NCKAP5: variants seen among roughly 807,000 people sequenced by gnomAD.
NCKAP5 encodes nck-associated protein 5.
NCKAP5 carries 92 observed loss-of-function variants against 167.0 expected under a neutral mutation model. The ratio of observed to expected loss-of-function variants is 0.55; its 90% CI spans 0.47 to 0.66. The LOEUF (loss-of-function observed/expected upper bound fraction) is 0.66, where lower values mean the gene tolerates loss of function less well. Among genes scored for constraint, NCKAP5 ranks in the 30% least tolerant of loss-of-function variants. The pLI is 0.00. For synonymous variants in NCKAP5, 891 were observed against 877.4 expected (o/e 1.02, Z -0.27); for missense variants, 2,378 against 2,315.0 (o/e 1.03, Z -0.56).
At position 132,725,610 on chromosome 2, in the gene NCKAP5, A is replaced by G; in HGVS notation, c.5713+17T>C. 2 of 1,601,800 alleles carry G rather than the reference A, an allele frequency of 1.2e-6. No individual in the cohort carries two copies. Among genetic ancestry groups the G allele is most frequent in the Non-Finnish European group, 1.7e-6 (2 of 1,175,324 alleles). ...GAGAGAGGAACCTGCAGGGCCAGCA[A>G]GTTCGCTGGTTGTTACCTGGGGCAG... is the stretch of plus-strand genomic sequence containing the variant. On this transcript the variant is annotated intron_variant, in intron 19 of 19. Coordinates refer to ENST00000409261, the MANE Select transcript of NCKAP5 (RefSeq NM_207363.3).
chr2:133,620,528 G>A, the NCKAP5 span, among the ~76,000 whole-genome samples: 5 of 152,064 alleles, frequency 3.3e-5, no homozygotes, highest in South Asian at 8.3e-4. Context: ...AGACAAACAA[G>A]GTCATTATAT....
At chr2:133,224,173 C>T (rs11889004) in intron 4 of NCKAP5, among the ~76,000 whole-genome samples, 1,827 of 152,244 alleles carry the variant, frequency 0.012, 44 homozygotes, top group African/African-American at 0.041. Flanking sequence ...TTCATTCATT[C>T]GTTCATTTAT....
At chr2:133,114,065 C>T (rs929364061) in intron 6 of NCKAP5, among the ~76,000 whole-genome samples, 1 of 152,076 alleles carries the variant, frequency 6.6e-6, no homozygotes, top group Non-Finnish European at 1.5e-5. Context: ...TATTTAGACC[C>T]GTAGAATGTG....
chr2:133,164,999 T>C (rs931855669), intron 5 of NCKAP5, among the ~76,000 whole-genome samples: 1 of 152,170 alleles, frequency 6.6e-6, no homozygotes, highest in African/African-American at 2.4e-5. Flanking sequence ...AGAGCAGTGG[T>C]TCTCAAATGA....
chr2:133,440,079 A>T (rs957092776), intron 3 of NCKAP5, among the ~76,000 whole-genome samples: 2 of 152,134 alleles, frequency 1.3e-5, no homozygotes, highest in African/African-American at 4.8e-5. Flanking sequence ...ATACTGCTTC[A>T]CTGGTGACTG....
chr2:132,958,714 C>T (rs1463117053), intron 8 of NCKAP5, among the ~76,000 whole-genome samples: 2 of 152,176 alleles, frequency 1.3e-5, no homozygotes, highest in Non-Finnish European at 1.5e-5. Context: ...TTCACCTTTG[C>T]AGCTGCCTCC....
intron 8 of NCKAP5, among the ~76,000 whole-genome samples, chr2:132,888,380 T>C (rs1479447177): frequency 1.3e-5 from 2 of 152,178 alleles, no homozygotes; most frequent in African/African-American, 4.8e-5. Flanking sequence ...ATTATTAGGA[T>C]GTCTATATTT....
intron 8 of NCKAP5, among the ~76,000 whole-genome samples, chr2:132,954,364 A>G (rs1269965088): frequency 6.6e-6 from 1 of 152,108 alleles, no homozygotes; most frequent in African/African-American, 2.4e-5. Flanking sequence ...CATCAGCTTC[A>G]TTTCTGGGAT....
At chr2:133,559,013 T>G (rs1282320591) in intron 2 of NCKAP5, 37 bp downstream of exon 2, 7 of 152,080 alleles carry the variant, frequency 4.6e-5, no homozygotes, top group African/African-American at 1.7e-4. Context: ...TTAATATGTA[T>G]TAATAGTATT....
chr2:133,468,222 G>C (rs1212495131), intron 3 of NCKAP5, among the ~76,000 whole-genome samples: 1 of 136,526 alleles, frequency 7.3e-6, no homozygotes, highest in Non-Finnish European at 1.6e-5. Flanking sequence ...CTTTGTTCTA[G>C]TTGGTTTCAA....
At chr2:133,211,823 G>T (rs899777291) in intron 5 of NCKAP5, among the ~76,000 whole-genome samples, 5 of 152,078 alleles carry the variant, frequency 3.3e-5, no homozygotes, top group African/African-American at 1.2e-4. Context: ...GAGCAACTGG[G>T]CTTGTCCTTG....
chr2:133,588,133 A>G, the NCKAP5 span, among the ~76,000 whole-genome samples: 1 of 152,186 alleles, frequency 6.6e-6, no homozygotes, highest in East Asian at 1.9e-4. Context: ...TGAGTCAACT[A>G]TGTCACAATG....
chr2:132,797,379 A>G (rs1356682881), intron 11 of NCKAP5, among the ~76,000 whole-genome samples: 8 of 152,214 alleles, frequency 5.3e-5, no homozygotes, highest in Non-Finnish European at 1.2e-4. Flanking sequence ...TAAGCCAGAG[A>G]CATTTCACTG....
the NCKAP5 span, among the ~76,000 whole-genome samples, chr2:133,614,907 G>A: frequency 2.2e-4 from 33 of 152,110 alleles, no homozygotes; most frequent in South Asian, 2.1e-4. Context: ...GAGAAAGGTC[G>A]GGCTACCCTC....
At chr2:133,543,963 A>G (rs750467133) in intron 2 of NCKAP5, among the ~76,000 whole-genome samples, 7 of 152,240 alleles carry the variant, frequency 4.6e-5, no homozygotes, top group Non-Finnish European at 8.8e-5. Flanking sequence ...CTATCCCAGT[A>G]CTGAATATCT....
chr2:132,772,595 T>TC (rs1255937070), intron 16 of NCKAP5, among the ~76,000 whole-genome samples: 2 of 152,188 alleles, frequency 1.3e-5, no homozygotes, highest in Non-Finnish European at 2.9e-5. Context: ...AATATTTAAC[T>TC]CGAATATTAG....
At chr2:132,839,960 GTATT>G (rs1284179329) in intron 11 of NCKAP5, among the ~76,000 whole-genome samples, 2 of 152,072 alleles carry the variant, frequency 1.3e-5, no homozygotes, top group African/African-American at 4.8e-5. Flanking sequence ...GTAGCGTACT[GTATT>G]TATCTATACT....
At position 132,966,475 on chromosome 2, in the gene NCKAP5, T is replaced by A. The variant is rs558599058; in HGVS notation, c.430-2606A>T. Reference sequence around the variant, plus strand: ...CTCCTAAATGAGGCTAATGTCAACATATATACACTCACATACCATATAGTG... The same window carrying A: ...CTCCTAAATGAGGCTAATGTCAACAAATATACACTCACATACCATATAGTG... On this transcript the variant is annotated intron_variant, in intron 7 of 19. Transcript: ENST00000409261. Among the ~76,000 whole-genome samples the A allele has an allele frequency of 5.8e-4, 89 of 152,278 alleles. 1 individual carries two copies. The highest frequency in any genetic ancestry group is 1.8e-3 in the African/African-American group (74 of 41,536).
At chr2:133,149,340 A>G (rs990486938) in intron 5 of NCKAP5, among the ~76,000 whole-genome samples, 3 of 152,244 alleles carry the variant, frequency 2.0e-5, no homozygotes, top group East Asian at 1.9e-4. Context: ...GTAAAGCTAC[A>G]TAATGGGTTT....
Sources: gnomAD v4.1 joint callset for allele counts (sites outside exome capture counted in the v4.1 genomes callset) on GRCh38, gnomAD v4.1.1 for gene constraint, MANE v1.5 for transcripts, NCBI Gene and HGNC (gene_info 2026-07-23, HGNC 2026-07-21) for gene names.